Variants in RELT observed in about 807,000 individuals in gnomAD.
RELT encodes tumor necrosis factor receptor superfamily member 19L.
A neutral mutation model predicts 51.1 loss-of-function variants in RELT; 37 were observed. The observed-to-expected ratio is 0.72, with a 90% CI of 0.56 to 0.95. The LOEUF (loss-of-function observed/expected upper bound fraction) is 0.95, where lower values mean the gene tolerates loss of function less well. RELT is among the 40% of genes least tolerant of loss of function. RELT has a pLI of 0.00. For missense variants in RELT, 535 were observed against 572.6 expected (o/e 0.93, Z 0.67); for synonymous variants, 241 against 235.7 (o/e 1.02, Z -0.21).
intron 1 of RELT, among the ~76,000 whole-genome samples, chr11:73,382,074 G>T (rs1479119358): frequency 6.6e-6 from 1 of 152,182 alleles, no homozygotes. Context: ...CAAGGCCATC[G>T]ATCTGCGAAG....
rs190396122 is a variant in RELT, at chr11:73,390,541, G to A, written c.46-10G>A. The A allele has an allele frequency of 1.9e-4, 313 of 1,613,766 alleles. 2 individuals carry two copies. The highest frequency in any genetic ancestry group is 1.5e-5 in the Non-Finnish European group (18 of 1,179,712). On this transcript the variant is annotated splice_polypyrimidine_tract_variant and intron_variant, in intron 2 of 10. Coordinates refer to ENST00000064780, the MANE Select transcript of RELT (RefSeq NM_152222.2). ...CTTTCTGCCTCTTTCAATGCCTACTGTTCTTCTAGCTGCTGCCCTGGCCTC... is the reference window on the plus strand; with the variant it reads ...CTTTCTGCCTCTTTCAATGCCTACTATTCTTCTAGCTGCTGCCCTGGCCTC...
chr11:73,392,551 C>G, intron 6 of RELT, 83 bp downstream of exon 6: 1 of 1,518,492 alleles, frequency 6.6e-7, no homozygotes, highest in South Asian at 1.2e-5. Flanking sequence ...CAGCGGAATC[C>G]TGCCTGGCCT....
intron 1 of RELT, among the ~76,000 whole-genome samples, chr11:73,377,973 G>A (rs951986860): frequency 6.6e-6 from 1 of 152,164 alleles, no homozygotes; most frequent in Non-Finnish European, 1.5e-5. Flanking sequence ...AAGGCTTCCT[G>A]GTCCTCTGTC....
chr11:73,383,245 C>T (rs1866075909), intron 1 of RELT, among the ~76,000 whole-genome samples: 1 of 152,214 alleles, frequency 6.6e-6, no homozygotes, highest in South Asian at 2.1e-4. Context: ...GGCCCTGAGC[C>T]AGCCTCTGCA....
chr11:73,394,129 C>G lies in RELT; in HGVS notation c.707-107C>G. 9.0e-7 allele frequency: 1 copy of G among 1,108,454 alleles called. No homozygotes were observed. Among genetic ancestry groups the G allele is most frequent in the Admixed American group, 2.0e-5 (1 of 49,606 alleles). The allele number at this position is 1,108,454 out of a possible 1,614,324, so 68.7% of individuals were successfully genotyped here. ...GGGAGGAAAAGGCGCACAGCCCAGGCTGGGAGTGGTGGTATGGAGGGTAGG... is the reference window on the plus strand; with the variant it reads ...GGGAGGAAAAGGCGCACAGCCCAGGGTGGGAGTGGTGGTATGGAGGGTAGG... On this transcript the variant is annotated intron_variant, in intron 7 of 10. Coordinates refer to ENST00000064780, the MANE Select transcript of RELT (RefSeq NM_152222.2). This position sits in a 1 kb window ranked among gnomAD's most constrained non-coding sequence, Gnocchi z 4.9.
At chr11:73,393,144 G>GC in intron 6 of RELT, 2 of 998,732 alleles carry the variant, frequency 2.0e-6, no homozygotes, top group Non-Finnish European at 2.4e-6. Flanking sequence ...TGGCATGGGA[G>GC]CCAGAGACCC....
chr11:73,394,138 G>A lies in RELT; in HGVS notation c.707-98G>A, dbSNP rs1866266319. 1.7e-6 allele frequency: 2 copies of A among 1,159,994 alleles called. No homozygotes were observed. The highest frequency in any genetic ancestry group is 2.5e-6 in the Non-Finnish European group (2 of 798,738). 71.9% of individuals were successfully genotyped at this position (1,159,994 alleles called of 1,614,324 possible). ...AGGCGCACAGCCCAGGCTGGGAGTG[G>A]TGGTATGGAGGGTAGGTGGGGGGTT... On this transcript the variant is annotated intron_variant, in intron 7 of 10. Coordinates refer to ENST00000064780, the MANE Select transcript of RELT (RefSeq NM_152222.2). This position sits in a 1 kb window ranked among gnomAD's most constrained non-coding sequence, Gnocchi z 4.9.
intron 1 of RELT, among the ~76,000 whole-genome samples, chr11:73,384,974 T>C (rs1302834908): frequency 6.7e-6 from 1 of 150,358 alleles, no homozygotes; most frequent in Non-Finnish European, 1.5e-5. Context: ...GTGCAGCGTG[T>C]GTGAGGGTGG....
In RELT at chr11:73,394,089, C is replaced by A; in HGVS notation, c.707-147C>A. The A allele has an allele frequency of 1.0e-6, 1 of 959,552 alleles. No homozygotes were observed. Among genetic ancestry groups the A allele is most frequent in the South Asian group, 1.5e-5 (1 of 68,404 alleles). The allele number at this position is 959,552 out of a possible 1,614,324, so 59.4% of individuals were successfully genotyped here. A position where few individuals can be genotyped will look rare whatever the true frequency, so the allele number is the denominator to read the frequency against. On this transcript the variant is annotated intron_variant, in intron 7 of 10. Coordinates refer to ENST00000064780, the MANE Select transcript of RELT (RefSeq NM_152222.2). This position sits in a 1 kb window ranked among gnomAD's most constrained non-coding sequence, Gnocchi z 4.9. ...GGAGTGCACACCTCTGCCTCCCATTCTTGCCTGATGAAGTGGGAGGAAAAG... is the reference window on the plus strand; with the variant it reads ...GGAGTGCACACCTCTGCCTCCCATTATTGCCTGATGAAGTGGGAGGAAAAG...
At chr11:73,381,816 C>CA (rs1866054574) in intron 1 of RELT, among the ~76,000 whole-genome samples, 2 of 152,190 alleles carry the variant, frequency 1.3e-5, no homozygotes, top group South Asian at 4.1e-4. Flanking sequence ...CATGGGCACC[C>CA]AGGGCCCTCC....
chr11:73,387,055 C>T (rs1243953089), intron 1 of RELT, among the ~76,000 whole-genome samples: 1 of 152,060 alleles, frequency 6.6e-6, no homozygotes, highest in Non-Finnish European at 1.5e-5. Flanking sequence ...AAGCGATTCC[C>T]CTGCCTCAGC....
chr11:73,390,015 G>A (rs976676431), intron 2 of RELT, among the ~76,000 whole-genome samples: 1 of 152,186 alleles, frequency 6.6e-6, no homozygotes, highest in African/African-American at 2.4e-5. Context: ...GGGTGTGTGG[G>A]TGTGAATGGG....
intron 1 of RELT, among the ~76,000 whole-genome samples, chr11:73,385,392 C>T (rs543081278): frequency 3.7e-4 from 56 of 152,302 alleles, no homozygotes; most frequent in African/African-American, 1.3e-3. Context: ...GTCTGGGGCC[C>T]TCAGCTTGGG....
At chr11:73,392,721 G>T in intron 6 of RELT, 1 of 1,408,026 alleles carries the variant, frequency 7.1e-7, no homozygotes, top group Non-Finnish European at 9.2e-7. Context: ...GCCTTGCCCA[G>T]ATGTGGGGAT....
chr11:73,383,203 G>A (rs1866075401), intron 1 of RELT, among the ~76,000 whole-genome samples: 1 of 152,176 alleles, frequency 6.6e-6, no homozygotes, highest in African/African-American at 2.4e-5. Context: ...GCTGTGGGAG[G>A]GGGCAGGAGT....
intron 1 of RELT, among the ~76,000 whole-genome samples, chr11:73,383,142 G>C (rs547609506): frequency 1.4e-4 from 22 of 152,276 alleles, no homozygotes; most frequent in Non-Finnish European, 2.6e-4. Flanking sequence ...AGCCCTTGAG[G>C]GACTGGTTTA....
Position 73,395,070 on chromosome 11 carries a change from C to T in RELT, c.1047-17C>T. The T allele has an allele frequency of 1.2e-6, 2 of 1,603,830 alleles. No homozygotes were observed. The highest frequency in any genetic ancestry group is 1.7e-6 in the Non-Finnish European group (2 of 1,172,128). ...GGATCCCCGCTAACGGGGATGATTG[C>T]CCCACTCTCCTCACAGGTTCCGCGT... On this transcript the variant is annotated splice_polypyrimidine_tract_variant and intron_variant, in intron 9 of 10. Transcript: ENST00000064780.
chr11:73,380,836 G>A (rs577170296), intron 1 of RELT, among the ~76,000 whole-genome samples: 2 of 152,180 alleles, frequency 1.3e-5, no homozygotes, highest in East Asian at 1.9e-4. Context: ...ACTCAGGATC[G>A]ATGGGGGAGC....
intron 1 of RELT, among the ~76,000 whole-genome samples, chr11:73,387,709 G>C (rs1166502752): frequency 6.6e-6 from 1 of 152,214 alleles, no homozygotes; most frequent in Non-Finnish European, 1.5e-5. Context: ...TCTGCCAAGA[G>C]GGAGGGCGGG....
Sources: gnomAD v4.1 joint callset for allele counts (sites outside exome capture counted in the v4.1 genomes callset) on GRCh38, gnomAD v4.1.1 for gene constraint, Gnocchi (gnomAD v3.1) non-coding constraint, MANE v1.5 for transcripts, NCBI Gene and HGNC (gene_info 2026-07-23, HGNC 2026-07-21) for gene names.